Variants in GFPT2 observed in about 807,000 individuals in gnomAD.
The protein encoded by GFPT2 is glutamine--fructose-6-phosphate aminotransferase [isomerizing] 2.
GFPT2 carries 62 observed loss-of-function variants against 85.6 expected under a neutral mutation model. The observed-to-expected ratio is 0.72, with a 90% CI of 0.59 to 0.90. GFPT2 has a LOEUF of 0.90. Among genes scored for constraint, GFPT2 ranks in the 40% least tolerant of loss-of-function variants. The pLI is 0.00. For synonymous variants in GFPT2, 368 were observed against 344.5 expected (o/e 1.07, Z -0.75); for missense variants, 788 against 893.4 (o/e 0.88, Z 1.50).
intron 14 of GFPT2, among the ~76,000 whole-genome samples, chr5:180,313,572 AGAGT>A (rs1241276836): frequency 6.6e-6 from 1 of 151,850 alleles, no homozygotes; most frequent in African/African-American, 2.4e-5. Flanking sequence ...CCTGGGCGAC[AGAGT>A]GAGACTCCGT....
intron 1 of GFPT2, among the ~76,000 whole-genome samples, chr5:180,343,678 T>G (rs1398907913): frequency 1.3e-5 from 2 of 152,242 alleles, no homozygotes; most frequent in African/African-American, 4.8e-5. Context: ...CTCTTATCAT[T>G]TAAAAATAAA....
At chr5:180,303,209 G>A (rs1324180092) in intron 17 of GFPT2, among the ~76,000 whole-genome samples, 9 of 145,802 alleles carry the variant, frequency 6.2e-5, no homozygotes, top group East Asian at 6.0e-4. Flanking sequence ...CAGCCTGGGC[G>A]ACAGAGCCAG....
chr5:180,343,038 A>T (rs1764548769), intron 1 of GFPT2, among the ~76,000 whole-genome samples: 1 of 152,184 alleles, frequency 6.6e-6, no homozygotes, highest in African/African-American at 2.4e-5. Context: ...AAAATCTGTT[A>T]GAGTCTTTTA....
At chr5:180,313,407 C>T (rs962178705) in intron 14 of GFPT2, among the ~76,000 whole-genome samples, 7 of 148,646 alleles carry the variant, frequency 4.7e-5, no homozygotes, top group Non-Finnish European at 9.0e-5. Context: ...CCGGCTAACA[C>T]GGTGAAACCC....
At chr5:180,349,616 G>A (rs1274842436) in intron 1 of GFPT2, among the ~76,000 whole-genome samples, 3 of 152,098 alleles carry the variant, frequency 2.0e-5, no homozygotes, top group African/African-American at 4.8e-5. Context: ...AGAGGCCGGC[G>A]ACAGATTCTC....
chr5:180,301,184 T>TA lies in GFPT2; in HGVS notation c.*379dup, dbSNP rs1366278343. 5 of 234,092 alleles carry TA rather than the reference T, an allele frequency of 2.1e-5. No individual in the cohort carries two copies. Among genetic ancestry groups the TA allele is most frequent in the African/African-American group, 1.1e-4 (5 of 44,566 alleles). The allele number at this position is 234,092 out of a possible 1,614,324, so 14.5% of individuals were successfully genotyped here. On this transcript the variant is annotated 3_prime_UTR_variant, in exon 19 of 19. Coordinates refer to ENST00000253778, the MANE Select transcript of GFPT2 (RefSeq NM_005110.4). ...GTTACCACGGCTACAGAAAGCCACA[T>TA]ACTAGAAAAATAACTTAAAAGCTAT...
chr5:180,339,624 C>T (rs1764471519), intron 1 of GFPT2, among the ~76,000 whole-genome samples: 1 of 152,206 alleles, frequency 6.6e-6, no homozygotes, highest in Admixed American at 6.5e-5. Flanking sequence ...TTGATGTCCT[C>T]TCTCCTGCCC....
chr5:180,326,010 G>A (rs1414567883), intron 7 of GFPT2, among the ~76,000 whole-genome samples: 1 of 150,790 alleles, frequency 6.6e-6, no homozygotes, highest in African/African-American at 2.4e-5. Flanking sequence ...GGGCGACAAA[G>A]CGAGACTCCA....
chr5:180,332,238 CG>C (rs572032990), intron 4 of GFPT2, among the ~76,000 whole-genome samples: 1,749 of 66,024 alleles, frequency 0.026, 41 homozygotes, highest in African/African-American at 0.079. Context: ...GGGGAGGTGG[CG>C]GGGGGGCGGG....
intron 1 of GFPT2, among the ~76,000 whole-genome samples, chr5:180,344,686 G>A (rs542460228): frequency 2.6e-5 from 4 of 152,242 alleles, no homozygotes; most frequent in African/African-American, 4.8e-5. Context: ...GCTTTCCACC[G>A]GTGCTTGAAC....
chr5:180,304,396 GC>G (rs1167761522), intron 17 of GFPT2, among the ~76,000 whole-genome samples: 1 of 152,190 alleles, frequency 6.6e-6, no homozygotes, highest in Non-Finnish European at 1.5e-5. Flanking sequence ...CTTATGGAAA[GC>G]TGTGCCCCTG....
intron 5 of GFPT2, 168 bp from the exon 6 acceptor site, chr5:180,331,002 G>C (rs1054074185): frequency 3.2e-6 from 2 of 620,978 alleles, no homozygotes. Flanking sequence ...AAATACCTCT[G>C]AGTCACTCCC....
chr5:180,342,321 T>C (rs148415678), intron 1 of GFPT2, among the ~76,000 whole-genome samples: 2 of 152,154 alleles, frequency 1.3e-5, no homozygotes, highest in African/African-American at 2.4e-5. Flanking sequence ...TCATGTACCG[T>C]AGCAGCCTGC....
chr5:180,351,272 C>G (rs1415348467), intron 1 of GFPT2, among the ~76,000 whole-genome samples: 1 of 152,232 alleles, frequency 6.6e-6, no homozygotes. Context: ...GGCTTCCCCT[C>G]TGCACAGGAT....
intron 13 of GFPT2, among the ~76,000 whole-genome samples, chr5:180,314,314 T>C (rs1186033815): frequency 3.3e-5 from 5 of 152,170 alleles, no homozygotes; most frequent in Non-Finnish European, 7.3e-5. Flanking sequence ...GCGCCCTCTC[T>C]GCAACTGAAT....
chr5:180,328,275 A>C lies in GFPT2; in HGVS notation c.596+2T>G, dbSNP rs1253722580. 1 of 1,606,098 alleles carries C rather than the reference A, an allele frequency of 6.2e-7. No individual in the cohort carries two copies. Among genetic ancestry groups the C allele is most frequent in the Non-Finnish European group, 8.5e-7 (1 of 1,172,892 alleles). ...GGGAAATGCCAGTGTGTTTTGCCTC[A>C]CCGTGTGGCAACGGCTTCTCCTGGG... On this transcript the variant is annotated splice_donor_variant, in intron 7 of 18. Transcript: ENST00000253778. LOFTEE classifies it high-confidence loss of function. The surrounding 1 kb of genome is among the most constrained non-coding windows in gnomAD (Gnocchi z 5.4).
chr5:180,313,845 T>A lies in GFPT2; in HGVS notation c.1393A>T (p.Ile465Phe), dbSNP rs1198289226. 1 of 1,593,456 alleles carries A rather than the reference T, an allele frequency of 6.3e-7. No individual in the cohort carries two copies. The highest frequency in any genetic ancestry group is 8.5e-7 in the Non-Finnish European group (1 of 1,173,332). The change falls in exon 14 of 19, where the codon ATC (isoleucine) becomes TTC (phenylalanine). Residue 465 changes from isoleucine (I) to phenylalanine (F), a missense_variant. By Grantham distance (21) the Ile-to-Phe change is conservative (BLOSUM62 0). Coordinates refer to ENST00000253778, the MANE Select transcript of GFPT2 (RefSeq NM_005110.4). ...ACGCCGATCTCCGGCCCTGCGTTGA[T>A]GTGGACGCCGCAGTCGGTCTCGCGA... is the stretch of plus-strand genomic sequence containing the variant. Reference protein sequence around the residue: ...ISRETDCGVHINAGPEIGVAS... With the variant: ...ISRETDCGVHFNAGPEIGVAS...
At chr5:180,305,983 C>CTTTTTTTTT (rs59887076) in intron 16 of GFPT2, among the ~76,000 whole-genome samples, 1 of 138,756 alleles carries the variant, frequency 7.2e-6, no homozygotes, top group Non-Finnish European at 1.6e-5. Flanking sequence ...TTCTTTCTTT[C>CTTTTTTTTT]TTTTTTTTTT....
At position 180,335,858 on chromosome 5, in the gene GFPT2, T is replaced by C. The variant is rs762387730; in HGVS notation, c.310A>G (p.Ser104Gly). The C allele has an allele frequency of 6.3e-7, 1 of 1,593,768 alleles. No homozygotes were observed. The highest frequency in any genetic ancestry group is 2.3e-5 in the East Asian group (1 of 43,150). Residue 104 changes from serine (S) to glycine (G), a missense_variant, in exon 4 of 19, where the codon AGC becomes GGC. Physicochemically the swap from Ser to Gly is moderately conservative, Grantham distance 56. Coordinates refer to ENST00000253778, the MANE Select transcript of GFPT2 (RefSeq NM_005110.4). ...CCTTTGTCTGAGCGCTGAGGGTGGC[T>C]GTTGACAGCACTGGGGACCCCGTGG... Reference protein sequence around the residue: ...ATHGVPSAVNSHPQRSDKGNE... With the variant: ...ATHGVPSAVNGHPQRSDKGNE...
Sources: gnomAD v4.1 joint callset for allele counts (sites outside exome capture counted in the v4.1 genomes callset) on GRCh38, gnomAD v4.1.1 for gene constraint, Gnocchi (gnomAD v3.1) non-coding constraint, MANE v1.5 for transcripts, NCBI Gene and HGNC (gene_info 2026-07-23, HGNC 2026-07-21) for gene names.